The following ARFIP1 variants were observed in gnomAD, a reference collection of about 807,000 sequenced individuals.
The protein encoded by ARFIP1 is arfaptin-1.
A neutral mutation model predicts 42.5 loss-of-function variants in ARFIP1; 24 were observed. The ratio of observed to expected loss-of-function variants is 0.57; its 90% CI spans 0.41 to 0.80. The LOEUF (loss-of-function observed/expected upper bound fraction) is 0.80, where lower values mean the gene tolerates loss of function less well. Ranked by LOEUF, ARFIP1 falls within the 30% of genes least tolerant of loss-of-function variation. The probability of loss-of-function intolerance (pLI) is 0.00; values close to 1 mark genes in which losing one functional copy is unlikely to be tolerated. For synonymous variants in ARFIP1, 141 were observed against 153.7 expected (o/e 0.92, Z 0.61); for missense variants, 354 against 434.0 (o/e 0.82, Z 1.64).
intron 1 of ARFIP1, among the ~76,000 whole-genome samples, chr4:152,803,235 C>T (rs945928652): frequency 1.3e-5 from 2 of 152,066 alleles, no homozygotes; most frequent in Non-Finnish European, 2.9e-5. Context: ...GCTGTTTGGT[C>T]CACCAAAGGA....
chr4:152,837,238 A>ATGTG (rs1491141251), intron 2 of ARFIP1, among the ~76,000 whole-genome samples: 1 of 151,896 alleles, frequency 6.6e-6, no homozygotes, highest in Non-Finnish European at 1.5e-5. Context: ...CACTATAAAC[A>ATGTG]TGTGTGTGCA....
chr4:152,793,541 G>C (rs1332533775), intron 1 of ARFIP1, among the ~76,000 whole-genome samples: 9 of 151,794 alleles, frequency 5.9e-5, no homozygotes, highest in Admixed American at 5.9e-4. Flanking sequence ...TATGTACTAA[G>C]TTTTCTCCTA....
At chr4:152,812,958 A>G (rs879477996) in intron 1 of ARFIP1, among the ~76,000 whole-genome samples, 4 of 152,060 alleles carry the variant, frequency 2.6e-5, no homozygotes, top group Admixed American at 2.6e-4. Context: ...TATTGACTAT[A>G]TTGTAAAATA....
At chr4:152,864,750 A>G (rs1474855396) in intron 3 of ARFIP1, among the ~76,000 whole-genome samples, 2 of 152,198 alleles carry the variant, frequency 1.3e-5, no homozygotes, top group African/African-American at 2.4e-5. Context: ...CAATGGAGGA[A>G]ATCCTCCCAA....
At chr4:152,785,832 A>G (rs1208324661) in intron 1 of ARFIP1, among the ~76,000 whole-genome samples, 1 of 152,238 alleles carries the variant, frequency 6.6e-6, no homozygotes, top group Non-Finnish European at 1.5e-5. Flanking sequence ...ATTAAATACA[A>G]TAAAAGATTC....
intron 1 of ARFIP1, among the ~76,000 whole-genome samples, chr4:152,783,739 A>G (rs373798772): frequency 2.0e-4 from 30 of 152,310 alleles, no homozygotes; most frequent in African/African-American, 7.2e-4. Context: ...GTGGATGAAC[A>G]TCTGGTTGAA....
At chr4:152,905,503 C>T (rs1205355403) in intron 8 of ARFIP1, among the ~76,000 whole-genome samples, 3 of 134,730 alleles carry the variant, frequency 2.2e-5, no homozygotes, top group African/African-American at 8.4e-5. Flanking sequence ...AAATTTTTTA[C>T]CTGCTTTTTG....
At chr4:152,895,693 TG>T (rs1426107020) in intron 8 of ARFIP1, among the ~76,000 whole-genome samples, 1 of 150,952 alleles carries the variant, frequency 6.6e-6, no homozygotes, top group Admixed American at 6.6e-5. Context: ...TTAGAGTAGA[TG>T]GGATGACAGG....
intron 8 of ARFIP1, among the ~76,000 whole-genome samples, chr4:152,888,953 T>G (rs1736496436): frequency 6.6e-6 from 1 of 152,162 alleles, no homozygotes. Context: ...TATTCAGCTT[T>G]GTATGCAGGA....
intron 3 of ARFIP1, among the ~76,000 whole-genome samples, chr4:152,864,869 T>C (rs1010794588): frequency 1.3e-5 from 2 of 152,054 alleles, no homozygotes; most frequent in South Asian, 4.1e-4. Flanking sequence ...TAGAAAAATA[T>C]TGGCTCCTTT....
At chr4:152,836,874 T>C (rs1299860759) in intron 2 of ARFIP1, among the ~76,000 whole-genome samples, 1 of 152,208 alleles carries the variant, frequency 6.6e-6, no homozygotes, top group Non-Finnish European at 1.5e-5. Context: ...TTGTTAGATT[T>C]TGGTGCACCT....
intron 2 of ARFIP1, among the ~76,000 whole-genome samples, chr4:152,863,343 G>T (rs541977351): frequency 6.6e-6 from 1 of 152,180 alleles, no homozygotes; most frequent in South Asian, 2.1e-4. Flanking sequence ...TTTTTACATT[G>T]AATTTTAATA....
chr4:152,901,611 C>T (rs986545014), intron 8 of ARFIP1, among the ~76,000 whole-genome samples: 31 of 152,300 alleles, frequency 2.0e-4, no homozygotes, highest in African/African-American at 7.5e-4. Context: ...TTTTCAAAAT[C>T]TGTCAAATTT....
intron 1 of ARFIP1, among the ~76,000 whole-genome samples, chr4:152,804,861 G>A (rs895645190): frequency 6.6e-6 from 1 of 152,050 alleles, no homozygotes; most frequent in African/African-American, 2.4e-5. Flanking sequence ...AGCTCTTATT[G>A]TTGTAGAGCT....
intron 2 of ARFIP1, among the ~76,000 whole-genome samples, chr4:152,835,184 C>T (rs1484601497): frequency 6.6e-6 from 1 of 152,232 alleles, no homozygotes. Flanking sequence ...CGGATTCTTT[C>T]TCTACCACAG....
chr4:152,804,075 T>C (rs28497212), intron 1 of ARFIP1, among the ~76,000 whole-genome samples: 4 of 100,474 alleles, frequency 4.0e-5, no homozygotes, highest in African/African-American at 7.7e-5. Context: ...TAATATATAT[T>C]ATATATAATA....
In ARFIP1 at chr4:152,790,341, G is replaced by A. The variant is rs577743709; in HGVS notation, c.-10+10115G>A. Among the ~76,000 whole-genome samples the A allele has an allele frequency of 2.6e-5, 4 of 152,296 alleles. No individual in the cohort carries two copies. In the South Asian group the frequency reaches 8.3e-4, roughly 32 times the overall value. ...TTGAATGAAATCAATTACAACAACA[G>A]AGATGACCACCTCTCTTGGTTCTTG... On this transcript the variant is annotated intron_variant, in intron 1 of 8. Transcript: ENST00000353617.
At chr4:152,853,328 C>T (rs150663075) in intron 2 of ARFIP1, among the ~76,000 whole-genome samples, 28 of 152,274 alleles carry the variant, frequency 1.8e-4, no homozygotes, top group Middle Eastern at 3.4e-3. Context: ...AGGTTTAGCG[C>T]TCCGTTGAGC....
intron 8 of ARFIP1, among the ~76,000 whole-genome samples, chr4:152,904,876 A>T (rs1005114193): frequency 6.6e-6 from 1 of 152,178 alleles, no homozygotes; most frequent in Admixed American, 6.5e-5. Context: ...TATCTTTATA[A>T]TAGAATGATT....
Sources: allele counts gnomAD v4.1 joint callset (sites outside exome capture counted in the v4.1 genomes callset), GRCh38; gene constraint gnomAD v4.1.1; transcripts MANE v1.5; gene names NCBI Gene and HGNC (gene_info 2026-07-23, HGNC 2026-07-21).